GRM7: variants seen among roughly 807,000 people sequenced by gnomAD.
GRM7 encodes the protein glutamate metabotropic receptor 7.
GRM7 carries 35 observed loss-of-function variants against 84.5 expected under a neutral mutation model. That is an observed-to-expected ratio of 0.41 (90% CI 0.32 to 0.55). GRM7 has a LOEUF of 0.55. Among genes scored for constraint, GRM7 ranks in the 20% least tolerant of loss-of-function variants. GRM7 has a pLI of 0.19. For missense variants in GRM7, 1,003 were observed against 1,194.6 expected, an observed-to-expected ratio of 0.84 and a Z score of 2.36; for synonymous variants, 487 against 455.1, an observed-to-expected ratio of 1.07 and a Z score of -0.89.
intron 1 of GRM7, among the ~76,000 whole-genome samples, chr3:7,054,304 A>G (rs968456038): frequency 2.0e-5 from 3 of 149,468 alleles, no homozygotes; most frequent in African/African-American, 7.3e-5. Context: ...AGATTAAAAT[A>G]TATATCTTTT....
At chr3:6,990,666 A>G (rs1330531167) in intron 1 of GRM7, among the ~76,000 whole-genome samples, 1 of 152,018 alleles carries the variant, frequency 6.6e-6, no homozygotes, top group Non-Finnish European at 1.5e-5. Flanking sequence ...AGATCTATTC[A>G]TTATCTTCAC....
chr3:7,331,679 C>G (rs1012036284), intron 4 of GRM7, among the ~76,000 whole-genome samples: 4 of 152,138 alleles, frequency 2.6e-5, no homozygotes, highest in African/African-American at 4.8e-5. Flanking sequence ...AAACCTATAT[C>G]ATAGCACAGT....
chr3:6,927,966 C>T (rs567372620), intron 1 of GRM7, among the ~76,000 whole-genome samples: 1 of 152,196 alleles, frequency 6.6e-6, no homozygotes, highest in Non-Finnish European at 1.5e-5. Flanking sequence ...ACTTAGAACA[C>T]ATTTCTAAAT....
rs369855465 is a variant in GRM7 at position 7,214,623 on chromosome 3, C to T, written c.736+67955C>T. 2.3e-3 allele frequency among the ~76,000 whole-genome samples: 351 copies of T among 152,338 alleles called. 2 individuals are homozygous for T. The highest frequency in any genetic ancestry group is 8.1e-3 in the African/African-American group (336 of 41,568). On this transcript the variant is annotated intron_variant, in intron 2 of 9. Transcript: ENST00000357716. Reference sequence around the variant, plus strand: ...TACTTGAGCTACAGCCATCACACCTCTAAATATTTAATTGCTGAACAAATG... The same window carrying T: ...TACTTGAGCTACAGCCATCACACCTTTAAATATTTAATTGCTGAACAAATG...
chr3:7,059,513 C>T (rs1321137329), intron 1 of GRM7, among the ~76,000 whole-genome samples: 3 of 151,752 alleles, frequency 2.0e-5, no homozygotes, highest in Non-Finnish European at 4.4e-5. Context: ...CATTATTAGT[C>T]TAAATCTTCC....
chr3:7,573,763 C>T (rs1230707123), intron 7 of GRM7, among the ~76,000 whole-genome samples: 3 of 152,144 alleles, frequency 2.0e-5, no homozygotes, highest in East Asian at 1.9e-4. Flanking sequence ...AGTACTTTAC[C>T]ACACCTTTTT....
At position 7,314,912 on chromosome 3, in the gene GRM7, C is replaced by T. The variant is rs73028050; in HGVS notation, c.1033+8260C>T. 3.2e-3 allele frequency among the ~76,000 whole-genome samples: 490 copies of T among 152,160 alleles called. 4 individuals are homozygous for T. The highest frequency in any genetic ancestry group is 5.4e-3 in the Non-Finnish European group (370 of 68,000). On this transcript the variant is annotated intron_variant, in intron 4 of 9. Transcript: ENST00000357716. ...TAGAAATAGGATTTTCCACTTTCCC[C>T]TTAGTATAATGTTCTTGATTGTTGA...
At chr3:7,120,212 A>T (rs749171113) in intron 1 of GRM7, among the ~76,000 whole-genome samples, 1 of 152,130 alleles carries the variant, frequency 6.6e-6, no homozygotes, top group African/African-American at 2.4e-5. Context: ...GAAAGCCTAA[A>T]ACAAAAGTAA....
chr3:6,976,083 C>T (rs532349403), intron 1 of GRM7, among the ~76,000 whole-genome samples: 53 of 152,260 alleles, frequency 3.5e-4, no homozygotes, highest in African/African-American at 1.2e-3. Flanking sequence ...TCTCACTGAG[C>T]TTTCCGGTTT....
chr3:7,336,360 C>T (rs1298289385), intron 4 of GRM7, among the ~76,000 whole-genome samples: 3 of 151,630 alleles, frequency 2.0e-5, no homozygotes, highest in African/African-American at 7.3e-5. Context: ...TAACTAAAAC[C>T]CTCAGCAAAA....
chr3:7,452,827 T>C lies in GRM7; in HGVS notation c.1375+20T>C, dbSNP rs781318433. 1 of 1,496,818 alleles carries C rather than the reference T, an allele frequency of 6.7e-7. No individual in the cohort carries two copies. Among genetic ancestry groups the C allele is most frequent in the South Asian group, 1.1e-5 (1 of 87,936 alleles). 92.7% of individuals were successfully genotyped at this position (1,496,818 alleles called of 1,614,324 possible). ...TCAATGGTGAGTCTCCAAAAATCCATCCTTTTTGGAATCCTAAGTGTTGGC... is the reference window on the plus strand; with the variant it reads ...TCAATGGTGAGTCTCCAAAAATCCACCCTTTTTGGAATCCTAAGTGTTGGC... On this transcript the variant is annotated intron_variant, in intron 6 of 9. Coordinates refer to ENST00000357716, the MANE Select transcript of GRM7 (RefSeq NM_000844.4).
intron 8 of GRM7, among the ~76,000 whole-genome samples, chr3:7,634,500 AAAG>A (rs1280973889): frequency 1.1e-5 from 1 of 89,212 alleles, no homozygotes; most frequent in African/African-American, 3.1e-5. Context: ...AAAAAAAAAA[AAAG>A]GGCTGGGCTC....
Position 7,682,692 on chromosome 3 carries a change from A to G in GRM7, c.2698+2397A>G, listed in dbSNP as rs536897783. On this transcript the variant is annotated intron_variant, in intron 9 of 9. Coordinates refer to ENST00000357716, the MANE Select transcript of GRM7 (RefSeq NM_000844.4). ...AGACAATTCAATACTATGCTACTTA[A>G]GAATTGTTAACTTTCAAAAAACATT... Among the ~76,000 whole-genome samples, 136 of 152,342 alleles carry G rather than the reference A, an allele frequency of 8.9e-4. 1 individual carries two copies. In the South Asian group the frequency reaches 0.027, roughly 30 times the overall value.
At chr3:7,064,548 G>GAT (rs60042248) in intron 1 of GRM7, among the ~76,000 whole-genome samples, 4,677 of 89,364 alleles carry the variant, frequency 0.052, 198 homozygotes, top group African/African-American at 0.16. Flanking sequence ...ATCATGTATG[G>GAT]ATATATATAT....
In GRM7 at chr3:7,486,493, A is replaced by T. The variant is rs541057801; in HGVS notation, c.1515+24771A>T. ...CCTTTATGAAGGGATTAATGCAGTC[A>T]CTGGGAGAGTGAGTGAGTTTTTGCT... On this transcript the variant is annotated intron_variant, in intron 7 of 9. Transcript: ENST00000357716. This position sits in a 1 kb window ranked among gnomAD's most constrained non-coding sequence, Gnocchi z 5.5. 2.5e-4 allele frequency among the ~76,000 whole-genome samples: 38 copies of T among 152,262 alleles called. No homozygotes were observed. Among genetic ancestry groups the T allele is most frequent in the African/African-American group, 8.9e-4 (37 of 41,546 alleles).
In GRM7 at chr3:7,373,767, A is replaced by G. The variant is rs568278446; in HGVS notation, c.1034-41256A>G. 2.1e-3 allele frequency among the ~76,000 whole-genome samples: 295 copies of G among 137,850 alleles called. 1 individual carries two copies. The highest frequency in any genetic ancestry group is 9.3e-3 in the African/African-American group (283 of 30,518). 90.4% of individuals were successfully genotyped at this position (137,850 alleles called of 152,430 possible). A position where few individuals can be genotyped will look rare whatever the true frequency, so the allele number is the denominator to read the frequency against. On this transcript the variant is annotated intron_variant, in intron 4 of 9. Transcript: ENST00000357716. ...GTGGCCAGCATCTCTGGGATTTAGT[A>G]TTCTGAAGTAGTCTGTTCAACAGAC... is the stretch of plus-strand genomic sequence containing the variant.
chr3:7,670,356 A>AGGAAAGAGAAGG (rs1480887034), intron 8 of GRM7, among the ~76,000 whole-genome samples: 1 of 152,198 alleles, frequency 6.6e-6, no homozygotes. Context: ...TATTAACAAG[A>AGGAAAGAGAAGG]GGAAAGAGAA....
Position 7,057,021 on chromosome 3 carries a change from G to A in GRM7, c.520-89431G>A, listed in dbSNP as rs189713775. ...ACATACTAACTTGGATTTTGTAGGG[G>A]AAGTCTGTATATGTATGTGGTGTGA... On this transcript the variant is annotated intron_variant, in intron 1 of 9. Transcript: ENST00000357716. Among the ~76,000 whole-genome samples, 1,099 of 151,990 alleles carry A rather than the reference G, an allele frequency of 7.2e-3. 18 individuals are homozygous for A. The highest frequency in any genetic ancestry group is 0.011 in the Admixed American group (175 of 15,224).
intron 3 of GRM7, among the ~76,000 whole-genome samples, chr3:7,304,003 C>T (rs546322995): frequency 6.6e-6 from 1 of 151,354 alleles, no homozygotes; most frequent in Non-Finnish European, 1.5e-5. Context: ...TGTTCTCATT[C>T]TGCCTCTACC....
Sources: gnomAD v4.1 joint callset for allele counts (sites outside exome capture counted in the v4.1 genomes callset) on GRCh38, gnomAD v4.1.1 for gene constraint, Gnocchi (gnomAD v3.1) non-coding constraint, MANE v1.5 for transcripts, NCBI Gene and HGNC (gene_info 2026-07-23, HGNC 2026-07-21) for gene names.